CAMSAP1: variants seen among roughly 807,000 people sequenced by gnomAD.
The protein encoded by CAMSAP1 is calmodulin regulated spectrin associated protein 1, also known as calmodulin-regulated spectrin-associated protein 1.
CAMSAP1 carries 58 observed loss-of-function variants against 143.5 expected under a neutral mutation model. That is an observed-to-expected ratio of 0.40 (90% CI 0.33 to 0.50). The LOEUF is 0.50. Among genes scored for constraint, CAMSAP1 ranks in the 20% least tolerant of loss-of-function variants. CAMSAP1 has a pLI of 0.45. For synonymous variants in CAMSAP1, 945 were observed against 859.3 expected (o/e 1.10, Z -1.74); for missense variants, 1,969 against 2,115.7 (o/e 0.93, Z 1.36).
intron 3 of CAMSAP1, among the ~76,000 whole-genome samples, chr9:135,879,233 C>T (rs1467851181): frequency 1.3e-5 from 2 of 152,038 alleles, no homozygotes; most frequent in Non-Finnish European, 2.9e-5. Flanking sequence ...GAGGTAGAAA[C>T]GAGAATAGCA....
intron 14 of CAMSAP1, 58 bp downstream of exon 14, chr9:135,817,919 A>C (rs1588440153): frequency 7.1e-7 from 1 of 1,415,766 alleles, no homozygotes; most frequent in African/African-American, 1.4e-5. Flanking sequence ...AGGAAGTCCC[A>C]CCCTGCCCCT....
At chr9:135,846,934 A>G (rs1197936610) in intron 7 of CAMSAP1, among the ~76,000 whole-genome samples, 1 of 152,166 alleles carries the variant, frequency 6.6e-6, no homozygotes, top group African/African-American at 2.4e-5. Flanking sequence ...AGCTGGTGGG[A>G]GTGTTAATTA....
intron 1 of CAMSAP1, 86 bp downstream of exon 1, chr9:135,906,914 G>A (rs1838799779): frequency 1.4e-5 from 11 of 785,364 alleles, no homozygotes; most frequent in African/African-American, 5.7e-5. Context: ...GCGGCGCGCG[G>A]ACCCCGACCC....
chr9:135,866,580 G>T, intron 3 of CAMSAP1, 44 bp from the exon 4 acceptor site: 3 of 904,334 alleles, frequency 3.3e-6, no homozygotes, highest in African/African-American at 1.6e-5. Context: ...TTGCTGTCCC[G>T]CACAATTGTA....
chr9:135,868,775 C>T (rs1446390073), intron 3 of CAMSAP1, among the ~76,000 whole-genome samples: 3 of 151,944 alleles, frequency 2.0e-5, no homozygotes, highest in Non-Finnish European at 4.4e-5. Context: ...CACCACCACG[C>T]CTGGCTAATT....
chr9:135,892,866 A>T (rs1838329316), intron 1 of CAMSAP1, among the ~76,000 whole-genome samples: 1 of 146,518 alleles, frequency 6.8e-6, no homozygotes, highest in East Asian at 2.0e-4. Flanking sequence ...AAAAAAAAAA[A>T]AGAACTAATC....
intron 4 of CAMSAP1, among the ~76,000 whole-genome samples, chr9:135,865,964 A>G (rs1837364407): frequency 6.6e-6 from 1 of 152,226 alleles, no homozygotes. Context: ...TCAGAGGAAG[A>G]AAAAGGCTAA....
At chr9:135,872,961 A>G (rs768816433) in intron 3 of CAMSAP1, among the ~76,000 whole-genome samples, 1 of 152,242 alleles carries the variant, frequency 6.6e-6, no homozygotes, top group Non-Finnish European at 1.5e-5. Flanking sequence ...GGAAAACGGT[A>G]AAGGAGACAC....
chr9:135,818,523 C>CTGCTGCTGCTTCCTCCGCAGG lies in CAMSAP1; in HGVS notation c.4032_4052dup (p.Gln1350_Gln1351insHisLeuArgArgLysGlnGln), dbSNP rs749570180. On this transcript the variant is annotated inframe_insertion, in exon 13 of 17. Transcript: ENST00000389532. The surrounding 1 kb of genome is among the most constrained non-coding windows in gnomAD (Gnocchi z 7.7). ...TGCCGAGCCCCTGCTCCTCTAGGAT[C>CTGCTGCTGCTTCCTCCGCAGG]TGCTGCTGCTTCCTCCGCAGGTACT... 1 of 1,612,506 alleles carries CTGCTGCTGCTTCCTCCGCAGG rather than the reference C, an allele frequency of 6.2e-7. No individual in the cohort carries two copies. The highest frequency in any genetic ancestry group is 1.7e-5 in the Admixed American group (1 of 60,012).
At chr9:135,906,282 G>A (rs747814265) in intron 1 of CAMSAP1, among the ~76,000 whole-genome samples, 1 of 152,168 alleles carries the variant, frequency 6.6e-6, no homozygotes, top group Non-Finnish European at 1.5e-5. Context: ...ATGAAAAGAG[G>A]ATTGCAGAAA....
chr9:135,840,022 A>C (rs2131713076), intron 7 of CAMSAP1, among the ~76,000 whole-genome samples: 1 of 152,226 alleles, frequency 6.6e-6, no homozygotes, highest in Middle Eastern at 3.4e-3. Flanking sequence ...ACCAGTGCTG[A>C]CTCCTAATAT....
intron 7 of CAMSAP1, among the ~76,000 whole-genome samples, chr9:135,848,472 C>T (rs529255996): frequency 2.6e-5 from 4 of 152,190 alleles, no homozygotes; most frequent in South Asian, 2.1e-4. Context: ...GAGCACCCAA[C>T]GTGCCCAATG....
intron 14 of CAMSAP1, among the ~76,000 whole-genome samples, chr9:135,816,328 A>G (rs1835229185): frequency 6.6e-6 from 1 of 152,176 alleles, no homozygotes; most frequent in South Asian, 2.1e-4. Flanking sequence ...CACAGGGCAC[A>G]GTGCTGCTGG....
intron 7 of CAMSAP1, among the ~76,000 whole-genome samples, chr9:135,848,852 G>A (rs913770820): frequency 1.3e-5 from 2 of 152,228 alleles, no homozygotes; most frequent in African/African-American, 4.8e-5. Context: ...ACAGGAATGG[G>A]CTTGCTGAGC....
chr9:135,881,853 T>G, intron 2 of CAMSAP1, 59 bp from the exon 3 acceptor site: 8 of 1,531,222 alleles, frequency 5.2e-6, no homozygotes, highest in Non-Finnish European at 7.1e-6. Context: ...CAGGTTCTGA[T>G]GCAGGGAACC....
chr9:135,895,603 A>G (rs1838423787), intron 1 of CAMSAP1, among the ~76,000 whole-genome samples: 1 of 152,252 alleles, frequency 6.6e-6, no homozygotes, highest in African/African-American at 2.4e-5. Flanking sequence ...AAAATAAGGA[A>G]TCTTGGAGGA....
intron 5 of CAMSAP1, among the ~76,000 whole-genome samples, chr9:135,858,137 C>A (rs1385662040): frequency 6.7e-6 from 1 of 149,918 alleles, no homozygotes; most frequent in East Asian, 2.0e-4. Context: ...TTGACACCCA[C>A]CCCTCCTCCA....
chr9:135,887,523 T>C (rs1228675075), intron 1 of CAMSAP1, among the ~76,000 whole-genome samples: 2 of 152,018 alleles, frequency 1.3e-5, no homozygotes, highest in African/African-American at 2.4e-5. Context: ...ACCCAATCAA[T>C]GGGAGAGGCT....
intron 7 of CAMSAP1, among the ~76,000 whole-genome samples, chr9:135,846,682 C>CAAAAAAAAAAAAAAAAAAAAAAAA (rs752714756): frequency 1.9e-5 from 1 of 53,696 alleles, no homozygotes. Flanking sequence ...ACAAATTTAC[C>CAAAAAAAAAAAAAAAAAAAAAAAA]AAAAAAAAAA....
Sources: gnomAD v4.1 joint callset for allele counts (sites outside exome capture counted in the v4.1 genomes callset) on GRCh38, gnomAD v4.1.1 for gene constraint, Gnocchi (gnomAD v3.1) non-coding constraint, MANE v1.5 for transcripts, NCBI Gene and HGNC (gene_info 2026-07-23, HGNC 2026-07-21) for gene names.